The following PLEKHA7 variants were observed in gnomAD, a reference collection of about 807,000 sequenced individuals.
PLEKHA7 encodes pleckstrin homology domain-containing family A member 7.
In PLEKHA7, 104 loss-of-function variants were observed where a neutral mutation model predicts 170.0. That is an observed-to-expected ratio of 0.61 (90% confidence interval 0.52 to 0.72). The LOEUF (loss-of-function observed/expected upper bound fraction) is 0.72, where lower values mean the gene tolerates loss of function less well. Ranked by LOEUF, PLEKHA7 falls within the 30% of genes least tolerant of loss-of-function variation. The probability of loss-of-function intolerance (pLI) is 0.00; values close to 1 mark genes in which losing one functional copy is unlikely to be tolerated. For synonymous variants in PLEKHA7, 648 were observed against 660.8 expected, an observed-to-expected ratio of 0.98 and a Z score of 0.30; for missense variants, 1,615 against 1,671.7, an observed-to-expected ratio of 0.97 and a Z score of 0.59.
chr11:16,800,834 C>T, intron 17 of PLEKHA7, 140 bp downstream of exon 17: 3 of 701,884 alleles, frequency 4.3e-6, no homozygotes, highest in Non-Finnish European at 7.4e-6. Flanking sequence ...GGCTCCTTTA[C>T]AGGGGTGGAG....
At chr11:16,831,978 T>C (rs7947562) in intron 9 of PLEKHA7, among the ~76,000 whole-genome samples, 3,423 of 152,298 alleles carry the variant, frequency 0.022, 135 homozygotes, top group African/African-American at 0.078. Context: ...ATAACATAGC[T>C]TTGGCCAATA....
chr11:17,005,305 G>A (rs534950463), intron 3 of PLEKHA7, among the ~76,000 whole-genome samples: 41 of 138,448 alleles, frequency 3.0e-4, no homozygotes, highest in African/African-American at 1.0e-3. Context: ...GCCAAGGTGG[G>A]CAGATTACTT....
At chr11:16,889,414 A>ATAT (rs1489389191) in intron 3 of PLEKHA7, among the ~76,000 whole-genome samples, 68 of 114,852 alleles carry the variant, frequency 5.9e-4, no homozygotes, top group African/African-American at 2.5e-3. Flanking sequence ...AAAAAAAAAA[A>ATAT]AAAAAAATAT....
intron 3 of PLEKHA7, among the ~76,000 whole-genome samples, chr11:16,892,275 AAGAAATATGTATGGTGGGAAAAG>A (rs1856670275): frequency 1.3e-5 from 2 of 152,166 alleles, no homozygotes; most frequent in Admixed American, 6.5e-5. Context: ...CCTGAGCATG[AAGAAATATGTATGGTGGGAAAAG>A]AGCACCAAGG....
At chr11:16,880,485 T>G (rs907789708) in intron 3 of PLEKHA7, among the ~76,000 whole-genome samples, 8 of 152,258 alleles carry the variant, frequency 5.3e-5, no homozygotes, top group Non-Finnish European at 1.2e-4. Flanking sequence ...ACTCTAAAAC[T>G]GCACTCCAAT....
At chr11:16,990,284 A>AG (rs1288781473) in intron 3 of PLEKHA7, among the ~76,000 whole-genome samples, 1 of 126,166 alleles carries the variant, frequency 7.9e-6, no homozygotes, top group Non-Finnish European at 1.7e-5. Context: ...AAAAAAAAAA[A>AG]AAAAAAAAAA....
At chr11:16,921,266 T>C (rs1191386082) in intron 3 of PLEKHA7, among the ~76,000 whole-genome samples, 1 of 152,110 alleles carries the variant, frequency 6.6e-6, no homozygotes, top group Non-Finnish European at 1.5e-5. Flanking sequence ...AGACCAAACA[T>C]TTCCCCTGCC....
intron 3 of PLEKHA7, among the ~76,000 whole-genome samples, chr11:16,954,972 G>A (rs548819016): frequency 6.6e-6 from 1 of 152,308 alleles, no homozygotes; most frequent in Admixed American, 6.5e-5. Flanking sequence ...TTACAGGCAT[G>A]AGCCACCATG....
chr11:16,841,799 A>C, intron 8 of PLEKHA7, 77 bp from the exon 9 acceptor site: 1 of 1,431,368 alleles, frequency 7.0e-7, no homozygotes, highest in Non-Finnish European at 9.5e-7. Flanking sequence ...GCAAGGAGGC[A>C]CTATGGCCCT....
At chr11:16,976,836 C>T (rs950800560) in intron 3 of PLEKHA7, among the ~76,000 whole-genome samples, 2 of 152,210 alleles carry the variant, frequency 1.3e-5, no homozygotes, top group African/African-American at 2.4e-5. Context: ...GCTTAGCTCA[C>T]TACCATAAGC....
intron 13 of PLEKHA7, chr11:16,803,580 T>C (rs1328218038): frequency 2.6e-6 from 1 of 390,948 alleles, no homozygotes; most frequent in Non-Finnish European, 4.7e-6. Context: ...TAAAAGTATA[T>C]ATTTGCCTAA....
At chr11:16,889,614 T>A (rs80141792) in intron 3 of PLEKHA7, among the ~76,000 whole-genome samples, 1,845 of 150,882 alleles carry the variant, frequency 0.012, 33 homozygotes, top group African/African-American at 0.041. Context: ...ACAAAAAAAA[T>A]AAATAAAATG....
intron 13 of PLEKHA7, among the ~76,000 whole-genome samples, chr11:16,805,094 C>CG (rs1848863931): frequency 7.2e-5 from 11 of 152,228 alleles, no homozygotes; most frequent in Admixed American, 7.2e-4. Flanking sequence ...ATTCTCCAAA[C>CG]CGGCTGACCT....
chr11:16,803,060 C>T lies in PLEKHA7; in HGVS notation c.2077-8G>A. 1 of 1,613,044 alleles carries T rather than the reference C, an allele frequency of 6.2e-7. No homozygotes were observed. Among genetic ancestry groups the T allele is most frequent in the South Asian group, 1.1e-5 (1 of 91,048 alleles). ...GAAGATGCTCAGTTTGACCTAAAAG[C>T]AAGAACAGGTGGAGAGGGCCTGGGG... On this transcript the variant is annotated splice_region_variant and splice_polypyrimidine_tract_variant and intron_variant, in intron 14 of 26. Transcript: ENST00000531066.
chr11:16,901,168 C>T (rs1242161860), intron 3 of PLEKHA7, among the ~76,000 whole-genome samples: 1 of 151,984 alleles, frequency 6.6e-6, no homozygotes, highest in African/African-American at 2.4e-5. Context: ...TTTGTATGAC[C>T]CAATGGGATA....
At chr11:16,969,400 A>T (rs542115086) in intron 3 of PLEKHA7, among the ~76,000 whole-genome samples, 1 of 152,268 alleles carries the variant, frequency 6.6e-6, no homozygotes, top group Admixed American at 6.5e-5. Flanking sequence ...ATGTAATATG[A>T]TTACATCTTA....
Position 17,014,202 on chromosome 11 carries a change from C to T in PLEKHA7, c.87-1G>A. The T allele has an allele frequency of 6.3e-7, 1 of 1,582,762 alleles. No homozygotes were observed. The highest frequency in any genetic ancestry group is 1.4e-5 in the African/African-American group (1 of 71,974). The stretch of plus-strand genomic sequence containing the variant: ...CCAGGTCGTGCAGCGGAGCTGGTCA[C>T]TGCGGGCAGAGAGGTGCACCTGTTA... On this transcript the variant is annotated splice_acceptor_variant, in intron 1 of 26. Transcript: ENST00000531066. LOFTEE classifies it high-confidence loss of function.
At chr11:16,815,918 G>A (rs919115259) in intron 12 of PLEKHA7, among the ~76,000 whole-genome samples, 3 of 152,130 alleles carry the variant, frequency 2.0e-5, no homozygotes, top group Non-Finnish European at 4.4e-5. Flanking sequence ...GCTGAAAAAT[G>A]TTTCTGGCAA....
At position 16,813,585 on chromosome 11, in the gene PLEKHA7, T is replaced by C. The variant is rs149618800; in HGVS notation, c.1954-419A>G. 1.9e-3 allele frequency among the ~76,000 whole-genome samples: 293 copies of C among 152,292 alleles called. 1 individual carries two copies. The highest frequency in any genetic ancestry group is 4.2e-3 in the Admixed American group (64 of 15,304). The stretch of plus-strand genomic sequence containing the variant: ...AACCTTTGGTCTGGATCACTTCACA[T>C]GCATGAAGATGAAGCTCACTGGTGT... On this transcript the variant is annotated intron_variant, in intron 12 of 26. Coordinates refer to ENST00000531066, the MANE Select transcript of PLEKHA7 (RefSeq NM_001329630.2).
Sources: gnomAD v4.1 joint callset for allele counts (sites outside exome capture counted in the v4.1 genomes callset) on GRCh38, gnomAD v4.1.1 for gene constraint, MANE v1.5 for transcripts, NCBI Gene and HGNC (gene_info 2026-07-23, HGNC 2026-07-21) for gene names.